The following NHS variants were observed in gnomAD, a reference collection of about 807,000 sequenced individuals.
The protein encoded by NHS is NHS actin remodeling regulator, also known as actin remodeling regulator NHS.
In NHS, 5 loss-of-function variants were observed where a neutral mutation model predicts 72.5. The ratio of observed to expected loss-of-function variants is 0.07; its 90% CI spans 0.04 to 0.14. NHS has a LOEUF of 0.14. NHS is among the 10% of genes least tolerant of loss of function. NHS has a pLI of 1.00. For synonymous variants in NHS, 464 were observed against 547.7 expected, an observed-to-expected ratio of 0.85 and a Z score of 2.13; for missense variants, 1,072 against 1,355.7, an observed-to-expected ratio of 0.79 and a Z score of 3.29.
chrX:17,501,690 T>C (rs993998688), intron 1 of NHS, among the ~76,000 whole-genome samples: 2 of 112,561 alleles, frequency 1.8e-5, no homozygotes, highest in South Asian at 7.3e-4. Context: ...TTACACCAAC[T>C]GCACTCCAGC....
chrX:17,648,309 C>T (rs184841573), intron 1 of NHS, among the ~76,000 whole-genome samples: 3 of 111,887 alleles, frequency 2.7e-5, no homozygotes, highest in Non-Finnish European at 5.6e-5. Flanking sequence ...CCTCATCATC[C>T]AACAGGCTGG....
chrX:17,427,490 G>A (rs1197267794), intron 1 of NHS, among the ~76,000 whole-genome samples: 1 of 112,680 alleles, frequency 8.9e-6, no homozygotes, highest in Admixed American at 9.4e-5. Context: ...GTGACTTGCT[G>A]AGTGTTTGTA....
intron 1 of NHS, among the ~76,000 whole-genome samples, chrX:17,460,645 T>A (rs1190892844): frequency 8.9e-6 from 1 of 112,275 alleles, no homozygotes; most frequent in East Asian, 2.8e-4. Context: ...TTGCTCTCCC[T>A]ATTAATTTGT....
At chrX:17,724,642 C>T (rs1302181171) in intron 6 of NHS, among the ~76,000 whole-genome samples, 1 of 112,188 alleles carries the variant, frequency 8.9e-6, no homozygotes, top group African/African-American at 3.2e-5. Context: ...CATATACATT[C>T]AGGTCTTACG....
chrX:17,537,747 C>T (rs1172312207), intron 1 of NHS, among the ~76,000 whole-genome samples: 1 of 111,685 alleles, frequency 9.0e-6, no homozygotes, highest in Admixed American at 9.5e-5. Context: ...TGGGGACTGT[C>T]CTGCTCAGCT....
At chrX:17,626,334 G>A (rs911075826) in intron 1 of NHS, among the ~76,000 whole-genome samples, 1 of 112,343 alleles carries the variant, frequency 8.9e-6, no homozygotes, top group Non-Finnish European at 1.9e-5. Flanking sequence ...GAGAGGTAGG[G>A]GTGGGAGAAT....
At chrX:17,615,183 A>C (rs760464680) in intron 1 of NHS, among the ~76,000 whole-genome samples, 4,293 of 88,635 alleles carry the variant, frequency 0.048, 454 homozygotes, top group African/African-American at 0.18. Flanking sequence ...GTATATATAT[A>C]GTATATATAC....
chrX:17,390,955 G>A (rs952985813), intron 1 of NHS, among the ~76,000 whole-genome samples: 3 of 111,898 alleles, frequency 2.7e-5, no homozygotes, highest in Non-Finnish European at 3.8e-5. Context: ...AAGAATATTG[G>A]CTTGTAAATG....
At chrX:17,656,396 G>C (rs2065955936) in intron 1 of NHS, among the ~76,000 whole-genome samples, 2 of 113,070 alleles carry the variant, frequency 1.8e-5, no homozygotes, top group South Asian at 7.2e-4. Context: ...TGGGGGGAGG[G>C]GGTATGGGCA....
rs140515504 is a variant in NHS, at chrX:17,669,661, C to T, written c.566-18081C>T. Among the ~76,000 whole-genome samples, 533 of 111,804 alleles carry T rather than the reference C, an allele frequency of 4.8e-3. 4 individuals carry two copies. The highest frequency in any genetic ancestry group is 0.016 in the African/African-American group (484 of 30,734). ...AGGACAACAGGGAAAGAAATGTGAACGGGACAAAGGAAGGAAGTAGGGAGA... is the reference window on the plus strand; with the variant it reads ...AGGACAACAGGGAAAGAAATGTGAATGGGACAAAGGAAGGAAGTAGGGAGA... On this transcript the variant is annotated intron_variant, in intron 1 of 8. Transcript: ENST00000676302.
chrX:17,651,611 T>C (rs759693397), intron 1 of NHS, among the ~76,000 whole-genome samples: 6 of 111,305 alleles, frequency 5.4e-5, no homozygotes, highest in Non-Finnish European at 1.1e-4. Context: ...GACAAGAAAG[T>C]GTGTGTAGGA....
At chrX:17,524,996 G>A (rs1453692419) in intron 1 of NHS, among the ~76,000 whole-genome samples, 4 of 111,622 alleles carry the variant, frequency 3.6e-5, no homozygotes, top group Admixed American at 1.9e-4. Flanking sequence ...TAAGCCTGCC[G>A]ATCTTAGTAG....
At chrX:17,458,140 G>C (rs2064832555) in intron 1 of NHS, among the ~76,000 whole-genome samples, 1 of 111,315 alleles carries the variant, frequency 9.0e-6, no homozygotes, top group Admixed American at 9.5e-5. Flanking sequence ...TTGCTGTCTG[G>C]GTCTCTCCTA....
At chrX:17,610,483 A>G (rs995753285) in intron 1 of NHS, among the ~76,000 whole-genome samples, 7 of 112,018 alleles carry the variant, frequency 6.2e-5, no homozygotes, top group Admixed American at 9.4e-5. Flanking sequence ...CAGAATAATT[A>G]TTTGTTCATT....
At chrX:17,515,446 A>G (rs1157802169) in intron 1 of NHS, among the ~76,000 whole-genome samples, 1 of 112,419 alleles carries the variant, frequency 8.9e-6, no homozygotes, top group Non-Finnish European at 1.9e-5. Flanking sequence ...TATCTGTTTT[A>G]TAAGTCTATT....
intron 1 of NHS, among the ~76,000 whole-genome samples, chrX:17,572,911 A>G (rs1025742349): frequency 2.7e-5 from 3 of 111,551 alleles, no homozygotes. Context: ...TTCTCTGTAA[A>G]GTATTTTATT....
At chrX:17,650,780 A>T (rs2065927356) in intron 1 of NHS, among the ~76,000 whole-genome samples, 1 of 112,749 alleles carries the variant, frequency 8.9e-6, no homozygotes, top group South Asian at 3.6e-4. Context: ...TGTGTCAACA[A>T]AATAGTAAAT....
intron 1 of NHS, among the ~76,000 whole-genome samples, chrX:17,492,371 C>T (rs1317566007): frequency 8.9e-6 from 1 of 112,023 alleles, no homozygotes; most frequent in African/African-American, 3.2e-5. Context: ...ATCTTTATTT[C>T]TGCCTTAATT....
At chrX:17,470,735 G>A (rs776349397) in intron 1 of NHS, among the ~76,000 whole-genome samples, 1 of 111,134 alleles carries the variant, frequency 9.0e-6, no homozygotes, top group South Asian at 3.9e-4. Flanking sequence ...TGCTTTCTCG[G>A]TTCCTTCAAG....
Sources: gnomAD v4.1 joint callset for allele counts (sites outside exome capture counted in the v4.1 genomes callset) on GRCh38, gnomAD v4.1.1 for gene constraint, MANE v1.5 for transcripts, NCBI Gene and HGNC (gene_info 2026-07-23, HGNC 2026-07-21) for gene names.